The following FRMPD4 variants were observed in gnomAD, a reference collection of about 807,000 sequenced individuals.
The protein encoded by FRMPD4 is FERM and PDZ domain-containing protein 4.
A neutral mutation model predicts 94.1 loss-of-function variants in FRMPD4; 22 were observed. The ratio of observed to expected loss-of-function variants is 0.23; its 90% CI spans 0.17 to 0.33. FRMPD4 has a LOEUF of 0.33. Ranked by LOEUF, FRMPD4 falls within the 10% of genes least tolerant of loss-of-function variation. The pLI is 1.00. For missense variants in FRMPD4, 1,111 were observed against 1,339.9 expected, an observed-to-expected ratio of 0.83 and a Z score of 2.67; for synonymous variants, 631 against 548.6, an observed-to-expected ratio of 1.15 and a Z score of -2.10.
intron 3 of FRMPD4, among the ~76,000 whole-genome samples, chrX:11,911,450 A>C (rs2053996465): frequency 8.9e-6 from 1 of 112,353 alleles, no homozygotes; most frequent in South Asian, 3.7e-4. Context: ...ATCATTTAAG[A>C]AGCTTTATGG....
chrX:11,870,792 T>G (rs187247924), intron 2 of FRMPD4, among the ~76,000 whole-genome samples: 22 of 112,299 alleles, frequency 2.0e-4, no homozygotes, highest in Non-Finnish European at 3.2e-4. Context: ...TTTTTTGCCT[T>G]TGGACAAGAA....
chrX:12,090,628 G>A (rs2055146364), intron 3 of FRMPD4, among the ~76,000 whole-genome samples: 1 of 110,884 alleles, frequency 9.0e-6, no homozygotes, highest in East Asian at 2.8e-4. Flanking sequence ...ACACAGCCAA[G>A]CACACATAAA....
chrX:12,559,468 A>C (rs1483291545), intron 2 of FRMPD4, among the ~76,000 whole-genome samples: 5 of 110,943 alleles, frequency 4.5e-5, no homozygotes, highest in Non-Finnish European at 3.8e-5. Context: ...TGGCCAACAT[A>C]GTGAAACGCC....
intron 1 of FRMPD4, among the ~76,000 whole-genome samples, chrX:12,170,398 A>G (rs1348652757): frequency 4.5e-5 from 5 of 110,748 alleles, no homozygotes; most frequent in African/African-American, 1.3e-4. Context: ...AGATATGTGC[A>G]TGTTAGCATC....
intron 4 of FRMPD4, among the ~76,000 whole-genome samples, chrX:12,624,564 A>G (rs2059328267): frequency 8.9e-6 from 1 of 111,925 alleles, no homozygotes; most frequent in African/African-American, 3.3e-5. Flanking sequence ...ATTACAAAAT[A>G]TTAACAAATC....
At chrX:12,311,176 T>C (rs1451537741) in intron 1 of FRMPD4, among the ~76,000 whole-genome samples, 1 of 111,843 alleles carries the variant, frequency 8.9e-6, no homozygotes, top group Non-Finnish European at 1.9e-5. Context: ...ATCTATCTTG[T>C]GCATCTACTG....
At chrX:12,668,782 A>G (rs1185077328) in intron 4 of FRMPD4, among the ~76,000 whole-genome samples, 1 of 109,368 alleles carries the variant, frequency 9.1e-6, no homozygotes, top group Non-Finnish European at 1.9e-5. Flanking sequence ...TTTTTGTATT[A>G]TTAGTACAGA....
intron 1 of FRMPD4, among the ~76,000 whole-genome samples, chrX:11,851,359 C>T (rs2053620963): frequency 9.0e-6 from 1 of 111,232 alleles, no homozygotes; most frequent in African/African-American, 3.3e-5. Flanking sequence ...AGACCCTTCT[C>T]CATTGACAGA....
intron 3 of FRMPD4, among the ~76,000 whole-genome samples, chrX:11,947,435 C>T (rs1371621272): frequency 8.9e-6 from 1 of 112,098 alleles, no homozygotes; most frequent in Non-Finnish European, 1.9e-5. Context: ...TGTATCTTGG[C>T]AGCCTCAATG....
intron 1 of FRMPD4, among the ~76,000 whole-genome samples, chrX:12,416,548 C>G (rs773500379): frequency 2.6e-4 from 29 of 112,455 alleles, no homozygotes; most frequent in Non-Finnish European, 5.3e-4. Flanking sequence ...ATCTTTTCCT[C>G]TTAATAGTTG....
At chrX:12,303,649 G>T (rs774350851) in intron 1 of FRMPD4, among the ~76,000 whole-genome samples, 1 of 111,346 alleles carries the variant, frequency 9.0e-6, no homozygotes, top group South Asian at 3.8e-4. Context: ...GCCTTTAATT[G>T]GTATTTTCTT....
chrX:12,450,179 G>A (rs913770997), intron 1 of FRMPD4, among the ~76,000 whole-genome samples: 1 of 109,990 alleles, frequency 9.1e-6, no homozygotes, highest in African/African-American at 3.3e-5. Flanking sequence ...GAAATCATAG[G>A]GATAAAACAT....
In FRMPD4 at chrX:12,710,458, A is replaced by G. The variant is rs771679962; in HGVS notation, c.1530A>G (p.Gly510=). The part of the protein sequence containing the change: ...DAMNLACLTA[G]YYRLLVDSRR... ...TGAACCTGGCCTGCTTGACGGCTGG[A>G]TACTACCGGCTGCTTGTTGATTCCA... The change falls in exon 14 of 17, where the codon GGA becomes GGG. Residue 510 remains glycine, a synonymous_variant. Coordinates refer to ENST00000675598, the MANE Select transcript of FRMPD4 (RefSeq NM_001368397.1). 6.7e-6 allele frequency: 8 copies of G among 1,198,057 alleles called. No homozygotes were observed. The African/African-American group carries it at 7.1e-5, about 11-fold the overall frequency.
At position 12,355,890 on chromosome X, in the gene FRMPD4, A is replaced by G. The variant is rs141328284; in HGVS notation, c.42-142790A>G. On this transcript the variant is annotated intron_variant, in intron 1 of 16. Coordinates refer to ENST00000675598, the MANE Select transcript of FRMPD4 (RefSeq NM_001368397.1). ...TTGATTAATGCCCACATGAGAAGGA[A>G]CGTCAAAGTGATTGCCCCACTCTGC... Among the ~76,000 whole-genome samples the G allele has an allele frequency of 8.0e-5, 9 of 111,928 alleles. No homozygotes were observed. The East Asian group carries it at 2.3e-3, about 28-fold the overall frequency.
chrX:11,881,801 T>C (rs957107851), intron 3 of FRMPD4, among the ~76,000 whole-genome samples: 1 of 112,011 alleles, frequency 8.9e-6, no homozygotes, highest in Non-Finnish European at 1.9e-5. Flanking sequence ...AAAATAAGAA[T>C]ATTAGTTTCT....
intron 1 of FRMPD4, among the ~76,000 whole-genome samples, chrX:11,843,169 A>G (rs918193380): frequency 1.8e-5 from 2 of 111,865 alleles, no homozygotes; most frequent in Non-Finnish European, 3.8e-5. Context: ...TATCTTGTAT[A>G]ATCCTTTTTA....
At chrX:12,065,456 T>G (rs1465599804) in intron 3 of FRMPD4, among the ~76,000 whole-genome samples, 1 of 111,994 alleles carries the variant, frequency 8.9e-6, no homozygotes, top group Admixed American at 9.5e-5. Context: ...ACAGTTCCAT[T>G]GAAAAGGCGC....
chrX:12,254,424 T>C (rs928462341), intron 1 of FRMPD4, among the ~76,000 whole-genome samples: 4 of 111,818 alleles, frequency 3.6e-5, no homozygotes, highest in Non-Finnish European at 7.5e-5. Flanking sequence ...ACAGCTTGCT[T>C]TGGGATTCAA....
chrX:12,163,462 TAAAAAAAA>T (rs201319402), intron 1 of FRMPD4, among the ~76,000 whole-genome samples: 5,406 of 67,601 alleles, frequency 0.08, 673 homozygotes, highest in East Asian at 0.53. Context: ...TGACCCTTTG[TAAAAAAAA>T]AAAAAAAAAA....
Sources: allele counts gnomAD v4.1 joint callset (sites outside exome capture counted in the v4.1 genomes callset), GRCh38; gene constraint gnomAD v4.1.1; transcripts MANE v1.5; gene names NCBI Gene and HGNC (gene_info 2026-07-23, HGNC 2026-07-21).